BANP: variants seen among roughly 807,000 people sequenced by gnomAD.
The protein encoded by BANP is protein BANP.
Under a neutral mutation model 68.1 loss-of-function variants are expected in BANP, and 11 were observed. The observed-to-expected ratio is 0.16, with a 90% CI of 0.10 to 0.27. The LOEUF (loss-of-function observed/expected upper bound fraction) is 0.27, where lower values mean the gene tolerates loss of function less well. BANP is among the 10% of genes least tolerant of loss of function. The probability of loss-of-function intolerance (pLI) is 1.00; values close to 1 mark genes in which losing one functional copy is unlikely to be tolerated. For missense variants in BANP, 504 were observed against 722.7 expected (o/e 0.70, Z 3.47); for synonymous variants, 329 against 303.2 (o/e 1.09, Z -0.88).
rs981444850 is a variant in BANP, at chr16:88,002,303, C to G, written c.363-1992C>G. On this transcript the variant is annotated intron_variant, in intron 4 of 13. Coordinates refer to ENST00000682872, the MANE Select transcript of BANP (RefSeq NM_001386991.1). This position sits in a 1 kb window ranked among gnomAD's most constrained non-coding sequence, Gnocchi z 4.6. Reference sequence around the variant, plus strand: ...AGAAACTGTTTTTGATGATCTCTGTCTATTTTGTTGAAAGCAAAGATTGCA... The same window carrying G: ...AGAAACTGTTTTTGATGATCTCTGTGTATTTTGTTGAAAGCAAAGATTGCA... 2.0e-5 allele frequency among the ~76,000 whole-genome samples: 3 copies of G among 152,034 alleles called. No individual in the cohort carries two copies. The highest frequency in any genetic ancestry group is 7.2e-5 in the African/African-American group (3 of 41,402).
chr16:88,038,221 C>T (rs564972663), intron 11 of BANP, among the ~76,000 whole-genome samples: 4 of 151,276 alleles, frequency 2.6e-5, no homozygotes, highest in Non-Finnish European at 5.9e-5. Flanking sequence ...GGGAAGGGGG[C>T]GGATGGTCAG....
intron 8 of BANP, among the ~76,000 whole-genome samples, chr16:88,032,472 G>A (rs1410372768): frequency 1.3e-5 from 2 of 152,332 alleles, no homozygotes; most frequent in African/African-American, 2.4e-5. Flanking sequence ...AGAGTGCTGG[G>A]ATTACAGGTG....
chr16:88,066,444 C>A (rs1049470365), intron 12 of BANP, among the ~76,000 whole-genome samples: 1 of 152,164 alleles, frequency 6.6e-6, no homozygotes, highest in African/African-American at 2.4e-5. Flanking sequence ...TGGTGAAGGG[C>A]CTCGGCCACA....
At chr16:88,074,381 A>G (rs988651323) in intron 13 of BANP, among the ~76,000 whole-genome samples, 4 of 152,042 alleles carry the variant, frequency 2.6e-5, no homozygotes, top group Admixed American at 1.3e-4. Flanking sequence ...GGGGTGGCCA[A>G]TCCTCAAAGT....
At chr16:88,049,684 A>G (rs1476476460) in intron 11 of BANP, among the ~76,000 whole-genome samples, 1 of 152,128 alleles carries the variant, frequency 6.6e-6, no homozygotes, top group Non-Finnish European at 1.5e-5. Context: ...CAAAACCAGT[A>G]TCTCTCGTAA....
chr16:88,038,154 C>T (rs1359719057), intron 11 of BANP, 143 bp downstream of exon 11: 12 of 69,530 alleles, frequency 1.7e-4, no homozygotes, highest in East Asian at 3.9e-4. Context: ...GGGGCTCTCA[C>T]GGGAGGGGTG....
intron 4 of BANP, among the ~76,000 whole-genome samples, chr16:87,987,437 A>G (rs867864033): frequency 2.4e-4 from 36 of 152,224 alleles, no homozygotes; most frequent in African/African-American, 8.4e-4. Context: ...ACTTTTAAAG[A>G]AGGAGGCTGG....
chr16:88,057,281 CTG>C lies in BANP; in HGVS notation c.1312-7983_1312-7982del, dbSNP rs1225362238. ...AGCGCGCCTGTTGCTTTGGGTGCCT[CTG>C]TGGGGAGCAGCTAATGGATGTGTAG... On this transcript the variant is annotated intron_variant, in intron 11 of 13. Transcript: ENST00000682872. This position sits in a 1 kb window ranked among gnomAD's most constrained non-coding sequence, Gnocchi z 4.6. Among the ~76,000 whole-genome samples the C allele has an allele frequency of 6.6e-6, 1 of 152,192 alleles. No individual in the cohort carries two copies. The highest frequency in any genetic ancestry group is 2.4e-5 in the African/African-American group (1 of 41,452).
chr16:87,949,542 C>T (rs144917024), upstream of BANP: 10 of 152,374 alleles, frequency 6.6e-5, no homozygotes, highest in African/African-American at 2.4e-4. Flanking sequence ...TGCCTCTCTC[C>T]AGCCCTGTGG....
intron 1 of BANP, among the ~76,000 whole-genome samples, chr16:87,965,680 C>G (rs941042024): frequency 1.3e-5 from 2 of 152,196 alleles, no homozygotes; most frequent in African/African-American, 2.4e-5. Context: ...TGTGGATTCT[C>G]TCCCCATCCC....
At position 88,004,296 on chromosome 16, in the gene BANP, G is replaced by A. The variant is rs750879585; in HGVS notation, c.364G>A (p.Val122Ile). Reference sequence around the variant, plus strand: ...CTTTGTGATTCTTTTGTTCCCTAGCGTCGTCCCCCAGACTACAGTAATACT... The same window carrying A: ...CTTTGTGATTCTTTTGTTCCCTAGCATCGTCCCCCAGACTACAGTAATACT... The part of the protein sequence containing the change: ...ATQTCNKVRC[V>I]VPQTTVILNN... The change falls in exon 5 of 14, where the codon GTC becomes ATC. Residue 122 changes from valine to isoleucine, a missense_variant and splice_region_variant. Around this residue, in one of 3 missense-constraint regions of BANP, gnomAD observed 238 missense variants for 278.9 expected, o/e 0.85. Transcript: ENST00000682872. This position sits in a 1 kb window ranked among gnomAD's most constrained non-coding sequence, Gnocchi z 7.0. The A allele has an allele frequency of 3.0e-5, 46 of 1,520,510 alleles. No homozygotes were observed. Among genetic ancestry groups the A allele is most frequent in the South Asian group, 4.8e-5 (4 of 83,434 alleles). The allele number at this position is 1,520,510 out of a possible 1,614,324, so 94.2% of individuals were successfully genotyped here. A position where few individuals can be genotyped will look rare whatever the true frequency, so the allele number is the denominator to read the frequency against.
intron 7 of BANP, among the ~76,000 whole-genome samples, chr16:88,020,582 GC>G (rs1298970229): frequency 6.6e-6 from 1 of 152,268 alleles, no homozygotes; most frequent in Non-Finnish European, 1.5e-5. Context: ...GTCAGGCTGG[GC>G]TACAGGTTGG....
intron 12 of BANP, among the ~76,000 whole-genome samples, chr16:88,069,798 C>T (rs754212847): frequency 9.9e-5 from 15 of 152,234 alleles, no homozygotes; most frequent in Non-Finnish European, 1.5e-4. Context: ...CTACAGTTGA[C>T]CCTTGAACAA....
chr16:87,983,149 C>T (rs145230384), intron 3 of BANP, among the ~76,000 whole-genome samples: 6 of 152,140 alleles, frequency 3.9e-5, no homozygotes, highest in African/African-American at 4.8e-5. Flanking sequence ...AGAGAAAAGA[C>T]GAAACACGAA....
At chr16:88,055,080 A>C (rs974132164) in intron 11 of BANP, among the ~76,000 whole-genome samples, 1 of 151,942 alleles carries the variant, frequency 6.6e-6, no homozygotes, top group Non-Finnish European at 1.5e-5. Context: ...TACTGTTTCT[A>C]GTACGTGTGT....
intron 5 of BANP, among the ~76,000 whole-genome samples, chr16:88,005,336 C>T (rs1310877935): frequency 6.6e-6 from 1 of 152,234 alleles, no homozygotes; most frequent in Non-Finnish European, 1.5e-5. Context: ...GCGCCCTCCT[C>T]TGGGTGCGGC....
chr16:88,031,217 G>C (rs2078102073), intron 8 of BANP, among the ~76,000 whole-genome samples: 1 of 150,740 alleles, frequency 6.6e-6, no homozygotes, highest in Admixed American at 6.6e-5. Context: ...GGTGGAGTCA[G>C]GGTCTTTGGC....
chr16:88,040,438 G>A (rs2080474318), intron 11 of BANP, among the ~76,000 whole-genome samples: 1 of 152,008 alleles, frequency 6.6e-6, no homozygotes, highest in Non-Finnish European at 1.5e-5. Context: ...GAGCAGTGCG[G>A]GGGTCACATA....
chr16:87,955,530 C>G (rs1444553183), intron 1 of BANP, among the ~76,000 whole-genome samples: 1 of 152,190 alleles, frequency 6.6e-6, no homozygotes, highest in African/African-American at 2.4e-5. Context: ...AATGACAGAC[C>G]TTATTCGAAC....
Sources: allele counts gnomAD v4.1 joint callset (sites outside exome capture counted in the v4.1 genomes callset), GRCh38; gene constraint gnomAD v4.1.1; regional missense constraint gnomAD v4.1.1; non-coding constraint Gnocchi (gnomAD v3.1); transcripts MANE v1.5; gene names NCBI Gene and HGNC (gene_info 2026-07-23, HGNC 2026-07-21).